The following BCL2L13 variants were observed in gnomAD, a reference collection of about 807,000 sequenced individuals.
The protein encoded by BCL2L13 is bcl-2-like protein 13.
Under a neutral mutation model 25.8 loss-of-function variants are expected in BCL2L13, and 13 were observed. The observed-to-expected ratio is 0.50, with a 90% CI of 0.33 to 0.80. The LOEUF (loss-of-function observed/expected upper bound fraction) is 0.80. Among genes scored for constraint, BCL2L13 ranks in the 30% least tolerant of loss-of-function variants. The probability of loss-of-function intolerance (pLI) is 0.02; values close to 1 mark genes in which losing one functional copy is unlikely to be tolerated. For missense variants in BCL2L13, 504 were observed against 574.9 expected (o/e 0.88, Z 1.26); for synonymous variants, 244 against 230.3 (o/e 1.06, Z -0.54).
upstream of BCL2L13, among the ~76,000 whole-genome samples, chr22:17,634,243 T>TG (rs1017520294): frequency 7.2e-5 from 11 of 152,170 alleles, no homozygotes; most frequent in African/African-American, 2.6e-4. Context: ...TGGAGTGCAG[T>TG]GGAGTGATCT....
chr22:17,641,692 T>C (rs1292070885), intron 1 of BCL2L13, among the ~76,000 whole-genome samples: 1 of 152,190 alleles, frequency 6.6e-6, no homozygotes, highest in Non-Finnish European at 1.5e-5. Context: ...AGTCATTCTT[T>C]ATTACTGGTC....
intron 6 of BCL2L13, among the ~76,000 whole-genome samples, chr22:17,719,698 G>A (rs2061048343): frequency 6.6e-6 from 1 of 151,830 alleles, no homozygotes. Flanking sequence ...GCGTGGTGGT[G>A]GGCGCCTGTA....
chr22:17,678,198 AT>A (rs1392580756), intron 2 of BCL2L13, among the ~76,000 whole-genome samples: 1 of 151,820 alleles, frequency 6.6e-6, no homozygotes. Context: ...AGTTTTTTTT[AT>A]TTTTCGTAGA....
chr22:17,642,964 A>G (rs1414637756), intron 1 of BCL2L13, among the ~76,000 whole-genome samples: 9 of 152,152 alleles, frequency 5.9e-5, no homozygotes, highest in African/African-American at 7.2e-5. Context: ...TCTCTGGTAT[A>G]TATCTGGAAG....
intron 3 of BCL2L13, among the ~76,000 whole-genome samples, chr22:17,688,423 A>G (rs763003184): frequency 2.0e-5 from 3 of 152,236 alleles, no homozygotes; most frequent in African/African-American, 4.8e-5. Context: ...AGTTTTATAA[A>G]TGTAAAACAA....
intron 6 of BCL2L13, among the ~76,000 whole-genome samples, chr22:17,713,460 ATTTTTT>A (rs34378723): frequency 1.5e-5 from 2 of 132,208 alleles, no homozygotes; most frequent in African/African-American, 2.8e-5. Context: ...TTGAAAATGC[ATTTTTT>A]TTTTTTTTTT....
chr22:17,712,973 T>A (rs1268658679), intron 6 of BCL2L13, among the ~76,000 whole-genome samples: 1 of 152,234 alleles, frequency 6.6e-6, no homozygotes, highest in African/African-American at 2.4e-5. Context: ...CTATGCCTGT[T>A]CATTGTGCCA....
At chr22:17,654,773 G>A (rs2058799646) in intron 1 of BCL2L13, among the ~76,000 whole-genome samples, 2 of 151,880 alleles carry the variant, frequency 1.3e-5, no homozygotes, top group Non-Finnish European at 2.9e-5. Flanking sequence ...CCAGGCTGGT[G>A]TGCAGTGGTG....
intron 3 of BCL2L13, among the ~76,000 whole-genome samples, chr22:17,687,773 T>C (rs1376572829): frequency 1.3e-5 from 2 of 149,430 alleles, no homozygotes; most frequent in Admixed American, 6.7e-5. Context: ...CGCTTCAGCC[T>C]CCCAAAGTGC....
In BCL2L13 at chr22:17,727,226, G is replaced by A. The variant is rs1383038362; in HGVS notation, c.1150G>A (p.Glu384Lys). 1 of 1,614,246 alleles carries A rather than the reference G, an allele frequency of 6.2e-7. No homozygotes were observed. The highest frequency in any genetic ancestry group is 1.1e-5 in the South Asian group (1 of 91,090). ...TSLFVELDEE[E>K]VKAATTEPTE... Reference sequence around the variant, plus strand: ...TCTGTTTGTAGAACTTGATGAAGAAGAGGTGAAAGCAGCAACAACTGAACC... The same window carrying A: ...TCTGTTTGTAGAACTTGATGAAGAAAAGGTGAAAGCAGCAACAACTGAACC... Residue 384 changes from glutamate to lysine, a missense_variant, in exon 7 of 7, where the codon GAG becomes AAG. Coordinates refer to ENST00000317582, the MANE Select transcript of BCL2L13 (RefSeq NM_015367.4).
chr22:17,727,384 G>A lies in BCL2L13; in HGVS notation c.1308G>A (p.Pro436=), dbSNP rs1435677471. ...CCAGCGAGAAGAAGCCCGTGCCGCC[G>A]TCTGAGGGCAAGTCTAGACTGTCCC... is the stretch of plus-strand genomic sequence containing the variant. ...SPASEKKPVP[P]SEGKSRLSPA... is the part of the protein sequence containing the mutation. Residue 436 remains proline (P), a synonymous_variant, in exon 7 of 7, where the codon CCG becomes CCA. Transcript: ENST00000317582. 9.3e-6 allele frequency: 15 copies of A among 1,614,098 alleles called. No homozygotes were observed. The highest frequency in any genetic ancestry group is 8.3e-5 in the Admixed American group (5 of 59,998).
At position 17,668,994 on chromosome 22, in the gene BCL2L13, A is replaced by G. The variant is rs559595050; in HGVS notation, c.121+13162A>G. Among the ~76,000 whole-genome samples the G allele has an allele frequency of 2.7e-4, 41 of 149,728 alleles. No homozygotes were observed. In the South Asian group the frequency reaches 5.5e-3, roughly 20 times the overall value. On this transcript the variant is annotated intron_variant, in intron 2 of 6. Coordinates refer to ENST00000317582, the MANE Select transcript of BCL2L13 (RefSeq NM_015367.4). ...AGGTACACCCGAGGCTGGGTAATTT[A>G]TAAAGAAAAGAAGTTTATTTGGCTC...
chr22:17,641,127 C>T (rs535621830), intron 1 of BCL2L13, among the ~76,000 whole-genome samples: 8 of 152,020 alleles, frequency 5.3e-5, no homozygotes, highest in Non-Finnish European at 1.0e-4. Flanking sequence ...CCTGACCTCG[C>T]GATCTGCCCG....
chr22:17,723,850 T>G (rs1254655886), intron 6 of BCL2L13, among the ~76,000 whole-genome samples: 1 of 151,630 alleles, frequency 6.6e-6, no homozygotes, highest in Admixed American at 6.6e-5. Context: ...GGAGAATCAC[T>G]TGAACCTGGG....
At chr22:17,656,335 CTTTTTTTTTTTTTTTTT>C (rs890631679) in intron 2 of BCL2L13, among the ~76,000 whole-genome samples, 1,106 of 57,952 alleles carry the variant, frequency 0.019, 33 homozygotes, top group African/African-American at 0.082. Context: ...TCATTTTATT[CTTTTTTTTTTTTTTTTT>C]TTTTTTTTTT....
intron 2 of BCL2L13, among the ~76,000 whole-genome samples, chr22:17,675,923 A>G (rs2059563503): frequency 1.3e-5 from 2 of 152,202 alleles, no homozygotes; most frequent in South Asian, 4.1e-4. Context: ...CATTATCTAA[A>G]CTGACAGAGG....
chr22:17,631,686 ATATATATATATATATATATAT>A (rs2058025069), intron 1 of BCL2L13, among the ~76,000 whole-genome samples: 10 of 51,802 alleles, frequency 1.9e-4, no homozygotes, highest in Admixed American at 3.2e-4. Context: ...ATATATATAT[ATATATATATATATATATATAT>A]TTTTTTTTTT....
rs1319956482 is a variant in BCL2L13, at chr22:17,689,860, AC to A, written c.386+721del. Among the ~76,000 whole-genome samples, 13 of 134,346 alleles carry A rather than the reference AC, an allele frequency of 9.7e-5. No homozygotes were observed. In the South Asian group the frequency reaches 9.7e-4, roughly 10 times the overall value. 88.1% of individuals were successfully genotyped at this position (134,346 alleles called of 152,430 possible). On this transcript the variant is annotated intron_variant, in intron 4 of 6. Transcript: ENST00000317582. ...TCCATCTCAAAAAAAAAAAAAAAAA[AC>A]CCAAAAAACCGTTATATCTGTATCC...
In BCL2L13 at chr22:17,728,602, T is replaced by C. The variant is rs2061353255; in HGVS notation, c.*1068T>C. 2 of 152,230 alleles carry C rather than the reference T, an allele frequency of 1.3e-5. No individual in the cohort carries two copies. The highest frequency in any genetic ancestry group is 2.9e-5 in the Non-Finnish European group (2 of 68,046). The allele number at this position is 152,230 out of a possible 1,614,324, so 9.4% of individuals were successfully genotyped here. ...TTAGTCTTACTACTGATGAGTTCTATGGGTCTCTTGCTAGGGGGTAAGGAT... is the reference window on the plus strand; with the variant it reads ...TTAGTCTTACTACTGATGAGTTCTACGGGTCTCTTGCTAGGGGGTAAGGAT... On this transcript the variant is annotated 3_prime_UTR_variant, in exon 7 of 7. Transcript: ENST00000317582.
Sources: allele counts gnomAD v4.1 joint callset (sites outside exome capture counted in the v4.1 genomes callset), GRCh38; gene constraint gnomAD v4.1.1; transcripts MANE v1.5; gene names NCBI Gene and HGNC (gene_info 2026-07-23, HGNC 2026-07-21).